Variants in DLGAP1 observed in about 807,000 individuals in gnomAD.
The protein encoded by DLGAP1 is disks large-associated protein 1.
In DLGAP1, 11 loss-of-function variants were observed where a neutral mutation model predicts 90.8. The ratio of observed to expected loss-of-function variants is 0.12; its 90% CI spans 0.08 to 0.20. The LOEUF (loss-of-function observed/expected upper bound fraction) is 0.20, where lower values mean the gene tolerates loss of function less well. Among genes scored for constraint, DLGAP1 ranks in the 10% least tolerant of loss-of-function variants. The pLI is 1.00. For missense variants in DLGAP1, 1,050 were observed against 1,333.8 expected (o/e 0.79, Z 3.31); for synonymous variants, 558 against 540.7 (o/e 1.03, Z -0.44).
intron 2 of DLGAP1, among the ~76,000 whole-genome samples, chr18:4,087,200 G>A (rs376735879): frequency 1.1e-4 from 16 of 150,872 alleles, no homozygotes; most frequent in African/African-American, 2.7e-4. Flanking sequence ...GGAGATTATC[G>A]AATGCTCCAG....
In DLGAP1 at chr18:4,348,400, ATGTGTGTG is replaced by A. The variant is rs71160958; in HGVS notation, c.-267+106598_-267+106605del. 6.4e-3 allele frequency among the ~76,000 whole-genome samples: 853 copies of A among 133,534 alleles called. 6 individuals carry two copies. The highest frequency in any genetic ancestry group is 0.018 in the Middle Eastern group (5 of 272). The allele number at this position is 133,534 out of a possible 152,430, so 87.6% of individuals were successfully genotyped here. On this transcript the variant is annotated intron_variant, in intron 1 of 12. Transcript: ENST00000315677. ...CAGGTGCCTCAGGATGAACTCAGGA[ATGTGTGTG>A]TGTGTGTGTGTGTGTGTGTGTGTGT...
intron 5 of DLGAP1, among the ~76,000 whole-genome samples, chr18:3,792,878 A>G (rs527306577): frequency 4.4e-4 from 67 of 152,256 alleles, no homozygotes; most frequent in African/African-American, 1.5e-3. Flanking sequence ...AGGATGGCTC[A>G]TGCTGCTGCC....
intron 3 of DLGAP1, 65 bp from the exon 4 acceptor site, chr18:3,880,205 A>G: frequency 1.3e-6 from 1 of 791,880 alleles, no homozygotes; most frequent in Non-Finnish European, 2.0e-6. Context: ...ATTGCACTTT[A>G]CAGGGTCTTG....
chr18:3,920,550 C>G (rs531528207), intron 3 of DLGAP1, among the ~76,000 whole-genome samples: 2 of 152,218 alleles, frequency 1.3e-5, no homozygotes, highest in Non-Finnish European at 2.9e-5. Context: ...TCTATCTTCA[C>G]ATTTCTCACC....
chr18:4,444,026 G>C (rs1469021596), intron 1 of DLGAP1, among the ~76,000 whole-genome samples: 4 of 152,182 alleles, frequency 2.6e-5, no homozygotes, highest in Non-Finnish European at 5.9e-5. Flanking sequence ...CTTCTTCTAA[G>C]GAAAGAAACT....
chr18:3,981,684 C>A (rs942271788), intron 3 of DLGAP1, among the ~76,000 whole-genome samples: 4 of 152,202 alleles, frequency 2.6e-5, no homozygotes, highest in Admixed American at 6.5e-5. Context: ...TCAGATTCTG[C>A]ATGGCTTGGG....
intron 1 of DLGAP1, among the ~76,000 whole-genome samples, chr18:4,229,822 C>A (rs2078263834): frequency 6.6e-6 from 1 of 151,974 alleles, no homozygotes. Flanking sequence ...AAAGTTCCTG[C>A]ACAGCAAAGG....
intron 3 of DLGAP1, among the ~76,000 whole-genome samples, chr18:3,882,164 C>CAG (rs1555700957): frequency 2.8e-4 from 43 of 151,706 alleles, no homozygotes; most frequent in Non-Finnish European, 1.5e-4. Flanking sequence ...TCTAAACAAA[C>CAG]AGAGAACAAG....
At chr18:4,128,790 A>C (rs1313832236) in intron 2 of DLGAP1, among the ~76,000 whole-genome samples, 3 of 152,212 alleles carry the variant, frequency 2.0e-5, no homozygotes, top group Non-Finnish European at 4.4e-5. Flanking sequence ...AGTGAACGAC[A>C]GAAGCCAACA....
intron 7 of DLGAP1, among the ~76,000 whole-genome samples, chr18:3,701,802 T>C (rs1285761583): frequency 1.3e-5 from 2 of 152,182 alleles, no homozygotes; most frequent in African/African-American, 4.8e-5. Context: ...ATTGAGGTAA[T>C]TCTGCTGCGA....
chr18:3,610,146 T>A (rs988909036), intron 7 of DLGAP1, among the ~76,000 whole-genome samples: 3 of 152,094 alleles, frequency 2.0e-5, no homozygotes, highest in African/African-American at 7.2e-5. Context: ...GAGAGGGCTT[T>A]AAAAAAACTA....
chr18:3,923,808 A>G (rs1209173950), intron 3 of DLGAP1, among the ~76,000 whole-genome samples: 1 of 152,226 alleles, frequency 6.6e-6, no homozygotes, highest in Non-Finnish European at 1.5e-5. Flanking sequence ...ATTTTTGAAT[A>G]AATTTTTATC....
At chr18:3,963,837 G>T (rs2148990177) in intron 3 of DLGAP1, among the ~76,000 whole-genome samples, 2 of 152,126 alleles carry the variant, frequency 1.3e-5, no homozygotes, top group Middle Eastern at 6.8e-3. Context: ...TGTGACCATT[G>T]AGCCCTAGAT....
intron 3 of DLGAP1, among the ~76,000 whole-genome samples, chr18:3,891,724 G>T (rs1193063159): frequency 1.3e-5 from 2 of 152,088 alleles, no homozygotes; most frequent in Non-Finnish European, 2.9e-5. Context: ...TAAGAAAACA[G>T]ACTTTTAAAG....
chr18:4,439,253 C>A (rs2083473288), intron 1 of DLGAP1, among the ~76,000 whole-genome samples: 1 of 152,226 alleles, frequency 6.6e-6, no homozygotes, highest in Non-Finnish European at 1.5e-5. Context: ...GAGTTCCAAG[C>A]CCTTTTCAGG....
chr18:3,820,765 G>T (rs8099415), intron 4 of DLGAP1, among the ~76,000 whole-genome samples: 78,524 of 144,814 alleles, frequency 0.54, 23,199 homozygotes, highest in Non-Finnish European at 0.67. Flanking sequence ...GTTACTTTAT[G>T]TTAATCTTTG....
In DLGAP1 at chr18:4,383,655, C is replaced by A. The variant is rs1029766644; in HGVS notation, c.-267+71351G>T. Among the ~76,000 whole-genome samples, 2 of 151,984 alleles carry A rather than the reference C, an allele frequency of 1.3e-5. No homozygotes were observed. Among genetic ancestry groups the A allele is most frequent in the Non-Finnish European group, 2.9e-5 (2 of 67,978 alleles). Reference sequence around the variant, plus strand: ...CTTTCTGACTATGCTATGTAGAATGCGAAGTGATTAAACATCACAGATTAT... The same window carrying A: ...CTTTCTGACTATGCTATGTAGAATGAGAAGTGATTAAACATCACAGATTAT... On this transcript the variant is annotated intron_variant, in intron 1 of 12. Coordinates refer to ENST00000315677, the MANE Select transcript of DLGAP1 (RefSeq NM_004746.4). This position sits in a 1 kb window ranked among gnomAD's most constrained non-coding sequence, Gnocchi z 4.0.
Position 3,535,072 on chromosome 18 carries a change from CTGTGTGTGTGTGTG to C in DLGAP1, c.2058-471_2058-458del, listed in dbSNP as rs111975324. Among the ~76,000 whole-genome samples, 46 of 144,754 alleles carry C rather than the reference CTGTGTGTGTGTGTG, an allele frequency of 3.2e-4. No homozygotes were observed. The South Asian group carries it at 3.3e-3, about 10-fold the overall frequency. The allele number at this position is 144,754 out of a possible 152,430, so 95.0% of individuals were successfully genotyped here. ...AGAAGTCTCATCTTCTCAATCTTCT[CTGTGTGTGTGTGTG>C]TGTGTGTGTGTGTGTGTGTGTGTGT... On this transcript the variant is annotated intron_variant, in intron 9 of 12. Coordinates refer to ENST00000315677, the MANE Select transcript of DLGAP1 (RefSeq NM_004746.4).
chr18:3,729,040 C>G lies in DLGAP1; in HGVS notation c.1591+95G>C. Reference sequence around the variant, plus strand: ...GACATGGGTGGTATCTTGTTCCTGGCAACTATGTGTGTTGACAGCAAGGGC... The same window carrying G: ...GACATGGGTGGTATCTTGTTCCTGGGAACTATGTGTGTTGACAGCAAGGGC... On this transcript the variant is annotated intron_variant, in intron 7 of 12. Coordinates refer to ENST00000315677, the MANE Select transcript of DLGAP1 (RefSeq NM_004746.4). This position sits in a 1 kb window ranked among gnomAD's most constrained non-coding sequence, Gnocchi z 6.2. 6.7e-7 allele frequency: 1 copy of G among 1,490,298 alleles called. No homozygotes were observed. The highest frequency in any genetic ancestry group is 8.9e-7 in the Non-Finnish European group (1 of 1,119,286). 92.3% of individuals were successfully genotyped at this position (1,490,298 alleles called of 1,614,324 possible).
Sources: gnomAD v4.1 joint callset for allele counts (sites outside exome capture counted in the v4.1 genomes callset) on GRCh38, gnomAD v4.1.1 for gene constraint, Gnocchi (gnomAD v3.1) non-coding constraint, MANE v1.5 for transcripts, NCBI Gene and HGNC (gene_info 2026-07-23, HGNC 2026-07-21) for gene names.